Variants in UBXN7 observed in about 807,000 individuals in gnomAD.
UBXN7 encodes the protein UBX domain protein 7.
In UBXN7, 9 loss-of-function variants were observed where a neutral mutation model predicts 58.0. That is an observed-to-expected ratio of 0.16 (90% CI 0.09 to 0.27). The LOEUF (loss-of-function observed/expected upper bound fraction) is 0.27, where lower values mean the gene tolerates loss of function less well. UBXN7 is among the 10% of genes least tolerant of loss of function. The probability of loss-of-function intolerance (pLI) is 1.00; values close to 1 mark genes in which losing one functional copy is unlikely to be tolerated. For synonymous variants in UBXN7, 208 were observed against 205.0 expected, an observed-to-expected ratio of 1.01 and a Z score of -0.12; for missense variants, 328 against 599.6, an observed-to-expected ratio of 0.55 and a Z score of 4.73.
At position 196,362,544 on chromosome 3, in the gene UBXN7, A is replaced by G; in HGVS notation, c.978T>C (p.Ser326=). 2 of 1,614,086 alleles carry G rather than the reference A, an allele frequency of 1.2e-6. No homozygotes were observed. Among genetic ancestry groups the G allele is most frequent in the Admixed American group, 3.3e-5 (2 of 60,002 alleles). Residue 326 remains serine (S), a synonymous_variant, in exon 9 of 11, where the codon AGT becomes AGC. Transcript: ENST00000296328. ...AGCCACAAACGGATATGAACTCCTC[A>G]CTGCCAGAAAAAAGTTCAGATTCAG... ...EESESELFSG[S]EEFISVCGSD...
chr3:196,374,955 A>AAAG (rs541663932), intron 5 of UBXN7, among the ~76,000 whole-genome samples: 10,734 of 27,366 alleles, frequency 0.39, 3,364 homozygotes, highest in East Asian at 0.93. Context: ...GGAAAGAAAG[A>AAAG]AAGAAAAAAA....
At chr3:196,406,029 GT>G (rs1021303175) in intron 2 of UBXN7, among the ~76,000 whole-genome samples, 1 of 150,826 alleles carries the variant, frequency 6.6e-6, no homozygotes, top group African/African-American at 2.4e-5. Context: ...TGTTTTTTTT[GT>G]TTTTTGTTTT....
chr3:196,365,249 TAAAAAA>T (rs11317854), intron 8 of UBXN7, among the ~76,000 whole-genome samples: 1 of 127,922 alleles, frequency 7.8e-6, no homozygotes, highest in African/African-American at 2.9e-5. Flanking sequence ...TTCCCCACCT[TAAAAAA>T]AAAAAAAAAA....
At chr3:196,409,595 A>G (rs915766594) in intron 1 of UBXN7, among the ~76,000 whole-genome samples, 1 of 152,172 alleles carries the variant, frequency 6.6e-6, no homozygotes, top group African/African-American at 2.4e-5. Flanking sequence ...AGACCACTTT[A>G]AATACACTTC....
chr3:196,384,966 G>T (rs1729328107), intron 5 of UBXN7, among the ~76,000 whole-genome samples: 1 of 152,166 alleles, frequency 6.6e-6, no homozygotes, highest in Non-Finnish European at 1.5e-5. Context: ...TCAGGCAAGA[G>T]AAATAAATAA....
At chr3:196,363,235 CATACATACATACATAA>C (rs753080923) in intron 8 of UBXN7, among the ~76,000 whole-genome samples, 3,163 of 134,962 alleles carry the variant, frequency 0.023, 124 homozygotes, top group African/African-American at 0.076. Flanking sequence ...TACATACATA[CATACATACATACATAA>C]ATATATATAT....
intron 1 of UBXN7, among the ~76,000 whole-genome samples, chr3:196,409,461 G>A (rs1383859050): frequency 6.6e-6 from 1 of 152,006 alleles, no homozygotes; most frequent in African/African-American, 2.4e-5. Flanking sequence ...TTTTTTTACT[G>A]TGATGTCATG....
At chr3:196,412,243 A>G (rs1390719893) in intron 1 of UBXN7, among the ~76,000 whole-genome samples, 116 of 107,534 alleles carry the variant, frequency 1.1e-3, no homozygotes, top group African/African-American at 2.6e-3. Context: ...AAAAAAAAAA[A>G]AAAAAAGAAA....
chr3:196,374,009 A>T (rs1012282713), intron 5 of UBXN7, among the ~76,000 whole-genome samples: 1 of 152,222 alleles, frequency 6.6e-6, no homozygotes, highest in Admixed American at 6.5e-5. Context: ...TTCCTTGCTT[A>T]TAGGAAGTAA....
intron 5 of UBXN7, among the ~76,000 whole-genome samples, chr3:196,374,241 T>TA (rs1728925258): frequency 6.8e-6 from 1 of 147,626 alleles, no homozygotes; most frequent in African/African-American, 2.5e-5. Context: ...TGAAAATGAA[T>TA]AAAAGTCCAG....
At chr3:196,368,384 A>C (rs899335758) in intron 7 of UBXN7, among the ~76,000 whole-genome samples, 2 of 152,134 alleles carry the variant, frequency 1.3e-5, no homozygotes, top group South Asian at 4.2e-4. Context: ...ATTAAAAACC[A>C]GGATCTATAA....
chr3:196,393,730 G>T, intron 3 of UBXN7, 111 bp from the exon 4 acceptor site: 1 of 1,018,218 alleles, frequency 9.8e-7, no homozygotes, highest in Non-Finnish European at 1.4e-6. Context: ...AACCCTTCAC[G>T]AACTGCATGT....
At chr3:196,400,907 C>G (rs966847601) in intron 3 of UBXN7, among the ~76,000 whole-genome samples, 1 of 151,938 alleles carries the variant, frequency 6.6e-6, no homozygotes, top group African/African-American at 2.4e-5. Flanking sequence ...TCTTTTGCTC[C>G]AAATCTATTC....
At chr3:196,381,307 C>T (rs1400608170) in intron 5 of UBXN7, among the ~76,000 whole-genome samples, 2 of 152,240 alleles carry the variant, frequency 1.3e-5, no homozygotes, top group African/African-American at 2.4e-5. Context: ...GCAATATTTG[C>T]AGTTCTGCAG....
At position 196,353,082 on chromosome 3, in the gene UBXN7, A is replaced by T. The variant is rs932093775; in HGVS notation, c.*3603T>A. On this transcript the variant is annotated 3_prime_UTR_variant, in exon 11 of 11. Coordinates refer to ENST00000296328, the MANE Select transcript of UBXN7 (RefSeq NM_015562.2). ...GGCATAGTGCAAATCCCACAACTTTAACCCAACTACTTCCTCTATATTTAT... is the reference window on the plus strand; with the variant it reads ...GGCATAGTGCAAATCCCACAACTTTTACCCAACTACTTCCTCTATATTTAT... 6.6e-6 allele frequency: 1 copy of T among 152,200 alleles called. No homozygotes were observed. The highest frequency in any genetic ancestry group is 1.5e-5 in the Non-Finnish European group (1 of 68,042). 9.4% of individuals were successfully genotyped at this position (152,200 alleles called of 1,614,324 possible). A position where few individuals can be genotyped will look rare whatever the true frequency, so the allele number is the denominator to read the frequency against.
At chr3:196,422,300 A>G (rs1356034350) in intron 1 of UBXN7, among the ~76,000 whole-genome samples, 1 of 151,848 alleles carries the variant, frequency 6.6e-6, no homozygotes, top group African/African-American at 2.4e-5. Flanking sequence ...TAGGCAGCAC[A>G]GGGAGACCTC....
chr3:196,399,856 C>T (rs751359571), intron 3 of UBXN7: 4 of 152,316 alleles, frequency 2.6e-5, no homozygotes, highest in Non-Finnish European at 4.4e-5. Context: ...CAGTCTGACT[C>T]ATCATTGTTT....
intron 8 of UBXN7, 97 bp downstream of exon 8, chr3:196,367,931 T>TA (rs1414052225): frequency 3.3e-6 from 5 of 1,494,584 alleles, no homozygotes; most frequent in Non-Finnish European, 4.5e-6. Flanking sequence ...GTCCACTAGT[T>TA]AGATTATCTT....
intron 1 of UBXN7, among the ~76,000 whole-genome samples, chr3:196,429,473 T>C (rs1429495124): frequency 1.3e-5 from 2 of 152,204 alleles, no homozygotes; most frequent in Admixed American, 1.3e-4. Flanking sequence ...CTCACATTTA[T>C]TTTTATTTTT....
Sources: allele counts gnomAD v4.1 joint callset (sites outside exome capture counted in the v4.1 genomes callset), GRCh38; gene constraint gnomAD v4.1.1; transcripts MANE v1.5; gene names NCBI Gene and HGNC (gene_info 2026-07-23, HGNC 2026-07-21).